H2AZ1: variants seen among roughly 807,000 people sequenced by gnomAD.
The protein encoded by H2AZ1 is H2A.Z variant histone 1.
Under a neutral mutation model 16.6 loss-of-function variants are expected in H2AZ1, and 3 were observed. That is an observed-to-expected ratio of 0.18 (90% CI 0.08 to 0.47). The LOEUF is 0.47. H2AZ1 is among the 20% of genes least tolerant of loss of function. H2AZ1 has a pLI of 0.98. For missense variants in H2AZ1, 27 were observed against 163.6 expected, an observed-to-expected ratio of 0.17 and a Z score of 4.55; for synonymous variants, 78 against 60.7, an observed-to-expected ratio of 1.28 and a Z score of -1.32.
chr4:99,948,966 C>T (rs758223843), intron 3 of H2AZ1, 26 bp from the exon 4 acceptor site: 2 of 1,356,874 alleles, frequency 1.5e-6, no homozygotes, highest in Non-Finnish European at 2.1e-6. Context: ...TGTCAGTTGC[C>T]TTCCAACTTT....
In H2AZ1 at chr4:99,950,195, A is replaced by T; in HGVS notation, c.-25T>A. 6.2e-7 allele frequency: 1 copy of T among 1,606,926 alleles called. No individual in the cohort carries two copies. On this transcript the variant is annotated 5_prime_UTR_variant, in exon 1 of 5. Coordinates refer to ENST00000296417, the MANE Select transcript of H2AZ1 (RefSeq NM_002106.4). ...TTTCGAATTCCGCTGAAGCTCAAGCAAGCAAGGCAGAGAAAAGGCTAATCG... is the reference window on the plus strand; with the variant it reads ...TTTCGAATTCCGCTGAAGCTCAAGCTAGCAAGGCAGAGAAAAGGCTAATCG...
chr4:99,949,860 G>C (rs1299042881), intron 1 of H2AZ1, 120 bp from the exon 2 acceptor site: 2 of 482,050 alleles, frequency 4.1e-6, no homozygotes, highest in Admixed American at 5.4e-5. Flanking sequence ...ACCCTGCCGG[G>C]GTCTCCGGCC....
At chr4:99,949,568 G>T in intron 2 of H2AZ1, 95 bp downstream of exon 2, 2 of 1,189,342 alleles carry the variant, frequency 1.7e-6, no homozygotes, top group Non-Finnish European at 1.3e-6. Flanking sequence ...CATCACCCAC[G>T]CATACACAAA....
chr4:99,949,020 G>A, intron 3 of H2AZ1, 80 bp from the exon 4 acceptor site: 1 of 874,362 alleles, frequency 1.1e-6, no homozygotes, highest in Non-Finnish European at 1.9e-6. Flanking sequence ...CCTCACAAAC[G>A]CAGATCTACC....
At position 99,950,156 on chromosome 4, in the gene H2AZ1, T is replaced by C; in HGVS notation, c.3+12A>G. ...AACCCGCGGAGTCATCGAGCGTCTC[T>C]GCGAAGTTTACCATTTCGAATTCCG... On this transcript the variant is annotated intron_variant, in intron 1 of 4. Transcript: ENST00000296417. 8 of 1,609,108 alleles carry C rather than the reference T, an allele frequency of 5.0e-6. No homozygotes were observed. The highest frequency in any genetic ancestry group is 6.8e-6 in the Non-Finnish European group (8 of 1,177,630).
intron 4 of H2AZ1, 94 bp from the exon 5 acceptor site, chr4:99,948,617 T>C: frequency 6.5e-7 from 1 of 1,542,460 alleles, no homozygotes. Flanking sequence ...ACTTGAAAGG[T>C]ATCTTTAAAA....
chr4:99,949,468 G>A (rs1727224093), intron 2 of H2AZ1, 82 bp from the exon 3 acceptor site: 1 of 1,056,076 alleles, frequency 9.5e-7, no homozygotes, highest in African/African-American at 1.6e-5. Context: ...CCAAAGCAAG[G>A]GGCACGGGCG....
At position 99,948,433 on chromosome 4, in the gene H2AZ1, C is replaced by G; in HGVS notation, c.*29G>C. 8.4e-7 allele frequency: 1 copy of G among 1,197,284 alleles called. No homozygotes were observed. Among genetic ancestry groups the G allele is most frequent in the South Asian group, 1.2e-5 (1 of 82,690 alleles). 74.2% of individuals were successfully genotyped at this position (1,197,284 alleles called of 1,614,324 possible). A position where few individuals can be genotyped will look rare whatever the true frequency, so the allele number is the denominator to read the frequency against. On this transcript the variant is annotated 3_prime_UTR_variant, in exon 5 of 5. Transcript: ENST00000296417. ...GGACAGCTGTTAGAGTATTTAGAGT[C>G]CTGAGATAACAAGGAATCCAGGCAT...
intron 3 of H2AZ1, 24 bp from the exon 4 acceptor site, chr4:99,948,964 G>A (rs1431037985): frequency 2.9e-6 from 4 of 1,369,596 alleles, no homozygotes; most frequent in Non-Finnish European, 4.2e-6. Flanking sequence ...TCTGTCAGTT[G>A]CCTTCCAACT....
chr4:99,948,647 A>C, intron 4 of H2AZ1, 124 bp from the exon 5 acceptor site: 1 of 1,489,762 alleles, frequency 6.7e-7, no homozygotes. Context: ...TCAAGTATGA[A>C]GTAAAAATTC....
At chr4:99,949,794 C>A in intron 1 of H2AZ1, 54 bp from the exon 2 acceptor site, 3 of 1,393,520 alleles carry the variant, frequency 2.2e-6, no homozygotes, top group Non-Finnish European at 3.0e-6. Flanking sequence ...ATAGAATTAC[C>A]AAGGCGGCGC....
chr4:99,948,196 T>G lies in H2AZ1; in HGVS notation c.*266A>C. On this transcript the variant is annotated 3_prime_UTR_variant, in exon 5 of 5. Coordinates refer to ENST00000296417, the MANE Select transcript of H2AZ1 (RefSeq NM_002106.4). ...TGCATCACAATTAAAATCCAAACAG[T>G]TTTTTAAAAACAGTCAACTCAATCA... The G allele has an allele frequency of 1.6e-6, 1 of 626,140 alleles. No homozygotes were observed. The highest frequency in any genetic ancestry group is 1.6e-5 in the South Asian group (1 of 61,480). The allele number at this position is 626,140 out of a possible 1,614,324, so 38.8% of individuals were successfully genotyped here.
rs1013525467 is a variant in H2AZ1 at position 99,948,791 on chromosome 4, A to G, written c.325+20T>C. On this transcript the variant is annotated intron_variant, in intron 4 of 4. Transcript: ENST00000296417. ...TCCTTCCTCTGAAGAAATTTTTTAA[A>G]ATGTTAGAAGTTAACATACCACCAC... The G allele has an allele frequency of 1.9e-6, 3 of 1,576,052 alleles. No homozygotes were observed. The African/African-American group carries it at 4.1e-5, about 22-fold the overall frequency.
chr4:99,948,755 CA>C, intron 4 of H2AZ1, 55 bp downstream of exon 4: 1 of 1,561,252 alleles, frequency 6.4e-7, no homozygotes, highest in Non-Finnish European at 8.6e-7. Context: ...TAATTAAAAG[CA>C]GCAAAAAATT....
chr4:99,949,806 C>CCCATCCCCCACCGCGGCGCGT (rs1727234698), intron 1 of H2AZ1, 66 bp from the exon 2 acceptor site: 1 of 1,290,644 alleles, frequency 7.7e-7, no homozygotes, highest in African/African-American at 1.5e-5. Flanking sequence ...AGGCGGCGCG[C>CCCATCCCCCACCGCGGCGCGT]CCATCCCCCA....
Position 99,948,450 on chromosome 4 carries a change from T to C in H2AZ1, c.*12A>G. ...TTTAGAGTCCTGAGATAACAAGGAA[T>C]CCAGGCATCCTTTAGACAGTCTTCT... On this transcript the variant is annotated 3_prime_UTR_variant, in exon 5 of 5. Transcript: ENST00000296417. 3 of 1,393,578 alleles carry C rather than the reference T, an allele frequency of 2.2e-6. No individual in the cohort carries two copies. Among genetic ancestry groups the C allele is most frequent in the Non-Finnish European group, 3.1e-6 (3 of 979,202 alleles). The allele number at this position is 1,393,578 out of a possible 1,614,324, so 86.3% of individuals were successfully genotyped here.
In H2AZ1 at chr4:99,950,273, T is replaced by G. The variant is rs1451172108; in HGVS notation, c.-103A>C. 2 of 1,097,308 alleles carry G rather than the reference T, an allele frequency of 1.8e-6. No homozygotes were observed. Among genetic ancestry groups the G allele is most frequent in the Non-Finnish European group, 2.7e-6 (2 of 731,698 alleles). 68.0% of individuals were successfully genotyped at this position (1,097,308 alleles called of 1,614,324 possible). ...TCCTTCGTCGCACCGCGATTCAAAC[T>G]GCGCTGTCTCCCGCCTTCCCTGCTC... is the stretch of plus-strand genomic sequence containing the variant. On this transcript the variant is annotated 5_prime_UTR_variant, in exon 1 of 5. Transcript: ENST00000296417.
Position 99,950,273 on chromosome 4 carries a change from T to C in H2AZ1, c.-103A>G. 2 of 1,097,426 alleles carry C rather than the reference T, an allele frequency of 1.8e-6. No homozygotes were observed. The highest frequency in any genetic ancestry group is 2.7e-6 in the Non-Finnish European group (2 of 731,690). 68.0% of individuals were successfully genotyped at this position (1,097,426 alleles called of 1,614,324 possible). ...TCCTTCGTCGCACCGCGATTCAAAC[T>C]GCGCTGTCTCCCGCCTTCCCTGCTC... On this transcript the variant is annotated 5_prime_UTR_variant, in exon 1 of 5. Transcript: ENST00000296417.
intron 1 of H2AZ1, 157 bp downstream of exon 1, chr4:99,950,011 T>A: frequency 1.6e-6 from 1 of 619,720 alleles, no homozygotes; most frequent in South Asian, 2.3e-5. Context: ...CCGAGGCTGC[T>A]CCGCTAGCAG....
Sources: allele counts gnomAD v4.1 joint callset, GRCh38; gene constraint gnomAD v4.1.1; transcripts MANE v1.5; gene names NCBI Gene and HGNC (gene_info 2026-07-23, HGNC 2026-07-21).